SCHIP1: variants seen among roughly 807,000 people sequenced by gnomAD.
The protein encoded by SCHIP1 is schwannomin interacting protein 1, also known as schwannomin-interacting protein 1.
A neutral mutation model predicts 29.7 loss-of-function variants in SCHIP1; 8 were observed. The ratio of observed to expected loss-of-function variants is 0.27; its 90% CI spans 0.16 to 0.49. SCHIP1 has a LOEUF of 0.49. SCHIP1 is among the 20% of genes least tolerant of loss of function. The pLI, the probability that SCHIP1 is intolerant of heterozygous loss-of-function variation, is 0.99. For synonymous variants in SCHIP1, 76 were observed against 94.9 expected (o/e 0.80, Z 1.16); for missense variants, 193 against 294.6 (o/e 0.66, Z 2.52).
At chr3:159,835,032 G>A (rs776305134), upstream of SCHIP1, among the ~76,000 whole-genome samples, 28 of 152,020 alleles carry the variant, frequency 1.8e-4, no homozygotes, top group Admixed American at 1.3e-3. Flanking sequence ...AATTTTTCTC[G>A]TCATTCCTTT....
chr3:159,517,354 T>A, the SCHIP1 span, among the ~76,000 whole-genome samples: 5 of 152,156 alleles, frequency 3.3e-5, no homozygotes, highest in African/African-American at 1.2e-4. Context: ...ATCTCTGGCC[T>A]TTTCTGTGAG....
the SCHIP1 span, among the ~76,000 whole-genome samples, chr3:159,430,477 T>G: frequency 6.6e-6 from 1 of 152,176 alleles, no homozygotes; most frequent in African/African-American, 2.4e-5. Flanking sequence ...TTCTATGCTC[T>G]CCACTTACTC....
chr3:159,448,494 C>T, the SCHIP1 span, among the ~76,000 whole-genome samples: 1 of 151,886 alleles, frequency 6.6e-6, no homozygotes, highest in Admixed American at 6.6e-5. Flanking sequence ...AAGTATTGTT[C>T]TGTTGTAAGG....
the SCHIP1 span, among the ~76,000 whole-genome samples, chr3:159,615,571 T>C: frequency 2.0e-5 from 3 of 152,330 alleles, no homozygotes; most frequent in East Asian, 3.9e-4. Flanking sequence ...AGAAGTCCCA[T>C]TGGCTTGAAG....
chr3:159,713,233 G>GAAGAAAGGAAGA, the SCHIP1 span, among the ~76,000 whole-genome samples: 3 of 124,626 alleles, frequency 2.4e-5, no homozygotes, highest in East Asian at 7.3e-4. Context: ...AGAAAGAAAG[G>GAAGAAAGGAAGA]AAGAAAGAAA....
the SCHIP1 span, among the ~76,000 whole-genome samples, chr3:159,803,046 CG>C: frequency 6.6e-6 from 1 of 152,146 alleles, no homozygotes; most frequent in African/African-American, 2.4e-5. Flanking sequence ...AGAAGTCACA[CG>C]TGACACCTCT....
the SCHIP1 span, among the ~76,000 whole-genome samples, chr3:159,767,196 C>T: frequency 6.6e-3 from 1,003 of 152,236 alleles, 15 homozygotes; most frequent in African/African-American, 0.023. Context: ...GTTTAGAATA[C>T]TGTTTTTCAA....
At chr3:159,850,293 C>G (rs1238985940) in intron 1 of SCHIP1, among the ~76,000 whole-genome samples, 1 of 152,230 alleles carries the variant, frequency 6.6e-6, no homozygotes, top group East Asian at 1.9e-4. Flanking sequence ...GTGGCTTACA[C>G]CTGTAATCCC....
the SCHIP1 span, among the ~76,000 whole-genome samples, chr3:159,802,385 T>G: frequency 6.6e-6 from 1 of 152,250 alleles, no homozygotes; most frequent in Non-Finnish European, 1.5e-5. Context: ...GTATTTTACT[T>G]TTAATTGATA....
chr3:159,668,338 C>T, the SCHIP1 span, among the ~76,000 whole-genome samples: 1 of 142,198 alleles, frequency 7.0e-6, no homozygotes, highest in East Asian at 2.0e-4. Context: ...GAGCACGCAA[C>T]TGCACTCCAG....
the SCHIP1 span, among the ~76,000 whole-genome samples, chr3:159,365,102 C>A: frequency 1.2e-4 from 18 of 152,212 alleles, no homozygotes; most frequent in Admixed American, 3.9e-4. Flanking sequence ...ATGCCTGGAT[C>A]GTGCTGAATT....
chr3:159,850,756 C>T (rs1054323105), intron 1 of SCHIP1, among the ~76,000 whole-genome samples: 3 of 151,320 alleles, frequency 2.0e-5, no homozygotes, highest in Admixed American at 6.6e-5. Context: ...AGGTGCTACA[C>T]GCTTTTAAAC....
At chr3:159,756,399 G>A in the SCHIP1 span, among the ~76,000 whole-genome samples, 1 of 152,208 alleles carries the variant, frequency 6.6e-6, no homozygotes, top group East Asian at 1.9e-4. Context: ...TTCAGACATG[G>A]CTGGAGCGGC....
At chr3:159,448,000 T>C in the SCHIP1 span, among the ~76,000 whole-genome samples, 2 of 152,100 alleles carry the variant, frequency 1.3e-5, no homozygotes, top group Admixed American at 6.5e-5. Flanking sequence ...GACAGGGAAA[T>C]AGGCTTATTT....
chr3:159,708,465 G>A, the SCHIP1 span, among the ~76,000 whole-genome samples: 1 of 152,152 alleles, frequency 6.6e-6, no homozygotes, highest in Admixed American at 6.5e-5. Context: ...AAAAGAGAGA[G>A]GATGAATTTT....
At chr3:159,723,856 C>G in the SCHIP1 span, among the ~76,000 whole-genome samples, 4 of 152,184 alleles carry the variant, frequency 2.6e-5, no homozygotes, top group Non-Finnish European at 1.5e-5. Flanking sequence ...TACTTACAAC[C>G]AAAAGAACCT....
chr3:159,759,575 T>G, the SCHIP1 span, among the ~76,000 whole-genome samples: 2 of 152,342 alleles, frequency 1.3e-5, no homozygotes, highest in East Asian at 3.9e-4. Context: ...TCATGAGGAA[T>G]CTGTGGTCAT....
At chr3:159,434,935 A>C in the SCHIP1 span, among the ~76,000 whole-genome samples, 1 of 152,132 alleles carries the variant, frequency 6.6e-6, no homozygotes, top group Non-Finnish European at 1.5e-5. Flanking sequence ...ATGAGATAGA[A>C]TAGGTGGTCC....
intron 2 of SCHIP1, among the ~76,000 whole-genome samples, chr3:159,872,575 C>CA (rs1238072391): frequency 1.3e-5 from 2 of 152,174 alleles, no homozygotes; most frequent in Non-Finnish European, 2.9e-5. Flanking sequence ...CTTGTTGACT[C>CA]ACCATAAGGA....
Sources: allele counts gnomAD v4.1 joint callset (sites outside exome capture counted in the v4.1 genomes callset), GRCh38; gene constraint gnomAD v4.1.1; transcripts MANE v1.5; gene names NCBI Gene and HGNC (gene_info 2026-07-23, HGNC 2026-07-21).